The following FREM2 variants were observed in gnomAD, a reference collection of about 807,000 sequenced individuals.
FREM2 encodes FRAS1 related extracellular matrix 2.
A neutral mutation model predicts 219.9 loss-of-function variants in FREM2; 119 were observed. The ratio of observed to expected loss-of-function variants is 0.54; its 90% CI spans 0.47 to 0.63. FREM2 has a LOEUF of 0.63. Ranked by LOEUF, FREM2 falls within the 30% of genes least tolerant of loss-of-function variation. The pLI, the probability that FREM2 is intolerant of heterozygous loss-of-function variation, is 0.00. For synonymous variants in FREM2, 1,562 were observed against 1,522.8 expected, an observed-to-expected ratio of 1.03 and a Z score of -0.60; for missense variants, 4,030 against 3,993.6, an observed-to-expected ratio of 1.01 and a Z score of -0.25.
chr13:38,854,567 C>G (rs1403636555), intron 11 of FREM2, among the ~76,000 whole-genome samples: 1 of 152,072 alleles, frequency 6.6e-6, no homozygotes, highest in Non-Finnish European at 1.5e-5. Context: ...TGTTAGAAAC[C>G]CAGTTTTTAA....
In FREM2 at chr13:38,852,728, A is replaced by G. The variant is rs1877416929; in HGVS notation, c.6925+860A>G. Among the ~76,000 whole-genome samples, 3 of 144,534 alleles carry G rather than the reference A, an allele frequency of 2.1e-5. No homozygotes were observed. In the South Asian group the frequency reaches 6.6e-4, roughly 32 times the overall value. 94.8% of individuals were successfully genotyped at this position (144,534 alleles called of 152,430 possible). Reference sequence around the variant, plus strand: ...TCTTTTTTTTTTTTTTTTTTGAGACAGAGTCTCACGCTGTTGGCCAGGCTA... The same window carrying G: ...TCTTTTTTTTTTTTTTTTTTGAGACGGAGTCTCACGCTGTTGGCCAGGCTA... On this transcript the variant is annotated intron_variant, in intron 11 of 23. Coordinates refer to ENST00000280481, the MANE Select transcript of FREM2 (RefSeq NM_207361.6).
At chr13:38,859,693 T>C (rs921714403) in intron 14 of FREM2, 103 bp downstream of exon 14, 1 of 1,110,970 alleles carries the variant, frequency 9.0e-7, no homozygotes, top group Non-Finnish European at 1.3e-6. Context: ...ACATATTCCA[T>C]ATATTTTGTA....
Position 38,828,979 on chromosome 13 carries a change from T to A in FREM2, c.6020-17594T>A, listed in dbSNP as rs976226790. ...GCCTAGTCTCTATCATTACATTCAG[T>A]TTTAGATGTAACAAAATATATAATA... On this transcript the variant is annotated intron_variant, in intron 6 of 23. Coordinates refer to ENST00000280481, the MANE Select transcript of FREM2 (RefSeq NM_207361.6). Among the ~76,000 whole-genome samples, 4 of 152,106 alleles carry A rather than the reference T, an allele frequency of 2.6e-5. No individual in the cohort carries two copies. The South Asian group carries it at 8.3e-4, about 32-fold the overall frequency.
intron 2 of FREM2, 68 bp downstream of exon 2, chr13:38,697,855 A>G (rs1870180981): frequency 2.3e-6 from 2 of 868,034 alleles, no homozygotes; most frequent in Admixed American, 1.8e-5. Context: ...CTCTGATGAC[A>G]TTATTACAAG....
rs1878633287 is a variant in FREM2, at chr13:38,883,809, A to G, written c.*3022A>G. On this transcript the variant is annotated 3_prime_UTR_variant, in exon 24 of 24. Transcript: ENST00000280481. ...ATAATTTAAAAATCTTTCTAGAATA[A>G]CAACAGCAGACTCCACTCTTGTTTG... The G allele has an allele frequency of 1.3e-5, 2 of 152,166 alleles. No homozygotes were observed. Among genetic ancestry groups the G allele is most frequent in the South Asian group, 4.1e-4 (2 of 4,820 alleles). 9.4% of individuals were successfully genotyped at this position (152,166 alleles called of 1,614,324 possible). A position where few individuals can be genotyped will look rare whatever the true frequency, so the allele number is the denominator to read the frequency against.
intron 6 of FREM2, among the ~76,000 whole-genome samples, chr13:38,834,020 C>G (rs1352950452): frequency 6.6e-6 from 1 of 151,954 alleles, no homozygotes; most frequent in Non-Finnish European, 1.5e-5. Context: ...GGCAAATTAC[C>G]CCTTTTTTTA....
chr13:38,700,191 A>C (rs1870287817), intron 2 of FREM2, among the ~76,000 whole-genome samples: 1 of 152,142 alleles, frequency 6.6e-6, no homozygotes. Flanking sequence ...GAGATTGAGA[A>C]GAACAGAAGG....
Position 38,689,243 on chromosome 13 carries a change from G to A in FREM2, c.1899G>A (p.Gly633=). Residue 633 remains glycine, a synonymous_variant, in exon 1 of 24, where the codon GGG becomes GGA. Transcript: ENST00000280481. The stretch of plus-strand genomic sequence containing the variant: ...TCAGAGGCCTTTGGAGGAAGGAGGG[G>A]GCATTTTATGAGCGAACAGTGACAG... ...ELLRGLWRKE[G]AFYERTVTEW... The A allele has an allele frequency of 1.2e-6, 2 of 1,614,054 alleles. No individual in the cohort carries two copies. The highest frequency in any genetic ancestry group is 1.7e-6 in the Non-Finnish European group (2 of 1,180,006).
intron 2 of FREM2, among the ~76,000 whole-genome samples, chr13:38,756,823 G>T (rs907853500): frequency 4.6e-5 from 7 of 151,602 alleles, no homozygotes; most frequent in Non-Finnish European, 8.8e-5. Context: ...TTACCGGCGT[G>T]AACCACCATG....
intron 4 of FREM2, among the ~76,000 whole-genome samples, chr13:38,777,378 G>A (rs1873914918): frequency 6.6e-6 from 1 of 152,140 alleles, no homozygotes; most frequent in Non-Finnish European, 1.5e-5. Flanking sequence ...AACCTGAGCA[G>A]TTTTCTCTTA....
intron 6 of FREM2, among the ~76,000 whole-genome samples, chr13:38,795,142 G>T (rs1307092211): frequency 1.3e-5 from 2 of 152,000 alleles, no homozygotes; most frequent in African/African-American, 4.8e-5. Context: ...TCACTGAAGG[G>T]AGGAAATTGG....
intron 14 of FREM2, 129 bp downstream of exon 14, chr13:38,859,719 A>T: frequency 1.0e-6 from 1 of 965,358 alleles, no homozygotes; most frequent in Non-Finnish European, 1.6e-6. Flanking sequence ...TGAAAAATTA[A>T]AATCTATTTT....
chr13:38,788,871 T>C (rs1328189605), intron 6 of FREM2, among the ~76,000 whole-genome samples: 3 of 152,128 alleles, frequency 2.0e-5, no homozygotes, highest in African/African-American at 7.2e-5. Context: ...CAGGAATAAG[T>C]ATTAAACATT....
chr13:38,859,287 G>C lies in FREM2; in HGVS notation c.7216G>C (p.Ala2406Pro), dbSNP rs1162815270. The C allele has an allele frequency of 6.2e-7, 1 of 1,613,936 alleles. No homozygotes were observed. The highest frequency in any genetic ancestry group is 1.3e-5 in the African/African-American group (1 of 74,904). Reference sequence around the variant, plus strand: ...TAACACAGTCATTTGTTTTCCGTAGGCTTGCAACCCCAAATATTCAGACTA... The same window carrying C: ...TAACACAGTCATTTGTTTTCCGTAGCCTTGCAACCCCAAATATTCAGACTA... ...MSGYPVICITACNPKYSDYDK... is the reference protein window; with the variant it reads ...MSGYPVICITPCNPKYSDYDK... Residue 2406 changes from alanine (A) to proline (P), a missense_variant and splice_region_variant, in exon 14 of 24, where the codon GCT (alanine) becomes CCT (proline). Physicochemically the swap from Ala to Pro is conservative, Grantham distance 27. This residue lies in a region of FREM2 where 928 missense variants were observed against 1,042.9 expected (regional missense o/e 0.89). Coordinates refer to ENST00000280481, the MANE Select transcript of FREM2 (RefSeq NM_207361.6).
chr13:38,838,934 T>C (rs1338741008), intron 6 of FREM2, among the ~76,000 whole-genome samples: 2 of 152,176 alleles, frequency 1.3e-5, no homozygotes, highest in African/African-American at 2.4e-5. Flanking sequence ...AGTTTGTTAT[T>C]ACCCACCTTC....
rs1566170334 is a variant in FREM2 at position 38,861,499 on chromosome 13, G to A, written c.7588G>A (p.Gly2530Ser). ...GTTCTCAGCTAAATTGCGCTACACA[G>A]GCCCTGAGGATGCAGACTACACAAA... ...EPFSAKLRYT[G>S]PEDADYTNLI... Residue 2530 changes from glycine (G) to serine (S), a missense_variant, in exon 15 of 24, where the codon GGC becomes AGC. Coordinates refer to ENST00000280481, the MANE Select transcript of FREM2 (RefSeq NM_207361.6). 6.2e-7 allele frequency: 1 copy of A among 1,606,556 alleles called. No homozygotes were observed. The highest frequency in any genetic ancestry group is 8.5e-7 in the Non-Finnish European group (1 of 1,175,260).
intron 2 of FREM2, among the ~76,000 whole-genome samples, chr13:38,733,255 C>T (rs1417872924): frequency 1.3e-5 from 2 of 150,828 alleles, no homozygotes; most frequent in African/African-American, 4.9e-5. Flanking sequence ...CCCTACTCCT[C>T]ATCTTGTGGG....
At chr13:38,817,736 A>G (rs1190594912) in intron 6 of FREM2, among the ~76,000 whole-genome samples, 2 of 152,196 alleles carry the variant, frequency 1.3e-5, no homozygotes, top group Non-Finnish European at 2.9e-5. Flanking sequence ...AAGCTTTTCC[A>G]TAGCAACAGA....
intron 6 of FREM2, among the ~76,000 whole-genome samples, chr13:38,797,051 A>C (rs1427072898): frequency 1.3e-5 from 2 of 151,430 alleles, no homozygotes; most frequent in African/African-American, 4.9e-5. Flanking sequence ...ATTTTCTTTA[A>C]ATTTTTTGTA....
Sources: allele counts gnomAD v4.1 joint callset (sites outside exome capture counted in the v4.1 genomes callset), GRCh38; gene constraint gnomAD v4.1.1; regional missense constraint gnomAD v4.1.1; transcripts MANE v1.5; gene names NCBI Gene and HGNC (gene_info 2026-07-23, HGNC 2026-07-21).